The following KDM2A variants were observed in gnomAD, a reference collection of about 807,000 sequenced individuals.
KDM2A encodes lysine demethylase 2A.
In KDM2A, 3 loss-of-function variants were observed where a neutral mutation model predicts 137.3. That is an observed-to-expected ratio of 0.02 (90% CI 0.01 to 0.06). The LOEUF (loss-of-function observed/expected upper bound fraction) is 0.06. Among genes scored for constraint, KDM2A ranks in the 10% least tolerant of loss-of-function variants. The probability of loss-of-function intolerance (pLI) is 1.00; values close to 1 mark genes in which losing one functional copy is unlikely to be tolerated. For synonymous variants in KDM2A, 512 were observed against 541.5 expected (o/e 0.95, Z 0.76); for missense variants, 738 against 1,510.6 (o/e 0.49, Z 8.48).
Position 67,254,192 on chromosome 11 carries a change from T to C in KDM2A, c.3092-11T>C. The C allele has an allele frequency of 6.2e-7, 1 of 1,611,958 alleles. No individual in the cohort carries two copies. Among genetic ancestry groups the C allele is most frequent in the Non-Finnish European group, 8.5e-7 (1 of 1,178,488 alleles). On this transcript the variant is annotated splice_polypyrimidine_tract_variant and intron_variant, in intron 19 of 20. Transcript: ENST00000529006. The surrounding 1 kb of genome is among the most constrained non-coding windows in gnomAD (Gnocchi z 4.7). The stretch of plus-strand genomic sequence containing the variant: ...AGAGTTTTGATCTAGGCTCTTCTCT[T>C]GCCTGTACAGGTCAGGACAATCGCA...
Position 67,255,109 on chromosome 11 carries a change from G to A in KDM2A, c.*54G>A, listed in dbSNP as rs1393040042. 5.1e-5 allele frequency: 77 copies of A among 1,516,876 alleles called. No individual in the cohort carries two copies. The highest frequency in any genetic ancestry group is 1.4e-4 in the African/African-American group (10 of 72,470). 94.0% of individuals were successfully genotyped at this position (1,516,876 alleles called of 1,614,324 possible). On this transcript the variant is annotated 3_prime_UTR_variant, in exon 21 of 21. Coordinates refer to ENST00000529006, the MANE Select transcript of KDM2A (RefSeq NM_012308.3). ...ACCGATCTTCCCCTGACTCCCCACC[G>A]AGGAGAGCCTCTCCTCGACCCTGCA... is the stretch of plus-strand genomic sequence containing the variant.
At chr11:67,124,614 CTTTTTTTTTT>C (rs34517858) in intron 2 of KDM2A, among the ~76,000 whole-genome samples, 2 of 112,676 alleles carry the variant, frequency 1.8e-5, no homozygotes, top group Non-Finnish European at 3.6e-5. Context: ...GCCTGGCCCA[CTTTTTTTTTT>C]TTTTTTTTTT....
At chr11:67,202,258 C>T (rs918351755) in intron 5 of KDM2A, among the ~76,000 whole-genome samples, 1 of 152,000 alleles carries the variant, frequency 6.6e-6, no homozygotes, top group Non-Finnish European at 1.5e-5. Flanking sequence ...GGAATCTACT[C>T]CTGGTGGAGA....
chr11:67,180,414 A>G (rs2136334791), intron 3 of KDM2A, 197 bp downstream of exon 3: 1 of 458,168 alleles, frequency 2.2e-6, no homozygotes, highest in South Asian at 5.2e-5. Context: ...CTCCTATATT[A>G]GAAGTAATCT....
At chr11:67,241,123 G>A (rs1859027727) in intron 12 of KDM2A, among the ~76,000 whole-genome samples, 1 of 152,186 alleles carries the variant, frequency 6.6e-6, no homozygotes, top group African/African-American at 2.4e-5. Flanking sequence ...TTCAGCAGAG[G>A]AAATGGGCAG....
intron 5 of KDM2A, among the ~76,000 whole-genome samples, chr11:67,203,802 T>C (rs1331097101): frequency 6.6e-6 from 1 of 151,518 alleles, no homozygotes; most frequent in Non-Finnish European, 1.5e-5. Flanking sequence ...TTTTTTTTTT[T>C]TTCTTTTTTC....
chr11:67,186,978 A>G (rs1161545859), intron 5 of KDM2A, among the ~76,000 whole-genome samples: 1 of 152,220 alleles, frequency 6.6e-6, no homozygotes, highest in Non-Finnish European at 1.5e-5. Flanking sequence ...GGGGCACAGT[A>G]TATAAGGATG....
intron 2 of KDM2A, among the ~76,000 whole-genome samples, chr11:67,172,653 T>A (rs989188402): frequency 2.7e-4 from 41 of 151,062 alleles, no homozygotes; most frequent in Non-Finnish European, 1.9e-4. Context: ...TGTGTGTGGA[T>A]TCCTTATAGT....
At chr11:67,207,216 G>A (rs1403034663) in intron 5 of KDM2A, among the ~76,000 whole-genome samples, 2 of 152,090 alleles carry the variant, frequency 1.3e-5, no homozygotes, top group African/African-American at 2.4e-5. Flanking sequence ...TGTATGAAGT[G>A]GAGATTAGTA....
intron 2 of KDM2A, among the ~76,000 whole-genome samples, chr11:67,168,952 T>G (rs905693377): frequency 4.2e-4 from 1 of 2,372 alleles, no homozygotes; most frequent in Non-Finnish European, 6.4e-3. Context: ...ATCCATGTAG[T>G]TTTTTTTTTT....
Position 67,238,605 on chromosome 11 carries a change from TA to T in KDM2A, c.1480-4399del, listed in dbSNP as rs555658345. Among the ~76,000 whole-genome samples, 59 of 151,388 alleles carry T rather than the reference TA, an allele frequency of 3.9e-4. 1 individual carries two copies. In the East Asian group the frequency reaches 8.3e-3, roughly 21 times the overall value. ...CTGTCCTTCCCCTGGTAAACTACTA[TA>T]AAAATAACATATGTAGCCCCTGGCA... is the stretch of plus-strand genomic sequence containing the variant. On this transcript the variant is annotated intron_variant, in intron 12 of 20. Transcript: ENST00000529006.
At chr11:67,125,903 A>G (rs1207082750) in intron 2 of KDM2A, among the ~76,000 whole-genome samples, 1 of 140,438 alleles carries the variant, frequency 7.1e-6, no homozygotes, top group Non-Finnish European at 1.5e-5. Context: ...AGATTGCACC[A>G]TTGCACTCCA....
intron 5 of KDM2A, among the ~76,000 whole-genome samples, chr11:67,205,868 A>G (rs1857790999): frequency 6.6e-6 from 1 of 152,090 alleles, no homozygotes. Flanking sequence ...TTACCTCTGC[A>G]TGGAATTGTC....
At chr11:67,229,347 G>C (rs1565414917) in intron 11 of KDM2A, among the ~76,000 whole-genome samples, 1 of 152,158 alleles carries the variant, frequency 6.6e-6, no homozygotes, top group Non-Finnish European at 1.5e-5. Flanking sequence ...CTTTATCTCT[G>C]TGCTTTCAAG....
chr11:67,142,282 C>G (rs1856123398), intron 2 of KDM2A, among the ~76,000 whole-genome samples: 1 of 151,632 alleles, frequency 6.6e-6, no homozygotes, highest in African/African-American at 2.4e-5. Flanking sequence ...GGTGATCCAC[C>G]CGCCTTGGCC....
chr11:67,170,196 T>C (rs1327669332), intron 2 of KDM2A, among the ~76,000 whole-genome samples: 6 of 152,106 alleles, frequency 3.9e-5, no homozygotes, highest in African/African-American at 1.4e-4. Flanking sequence ...GAAATAGCAG[T>C]GTTTTCATTT....
At chr11:67,184,054 C>T (rs1565393149) in intron 5 of KDM2A, among the ~76,000 whole-genome samples, 2 of 143,762 alleles carry the variant, frequency 1.4e-5, no homozygotes, top group African/African-American at 2.6e-5. Context: ...TATGTGATCA[C>T]ACCACTGCAC....
chr11:67,211,023 C>G (rs908503401), intron 6 of KDM2A, among the ~76,000 whole-genome samples: 13 of 152,116 alleles, frequency 8.5e-5, no homozygotes, highest in African/African-American at 2.7e-4. Flanking sequence ...TGCCACTACA[C>G]TCCAGCCTGG....
Position 67,217,748 on chromosome 11 carries a change from C to G in KDM2A, c.705C>G (p.Pro235=), listed in dbSNP as rs767630504. Residue 235 remains proline (P), a synonymous_variant, in exon 9 of 21, where the codon CCC becomes CCG. Transcript: ENST00000529006. ...ACTCACAGGTCTTCTGGCTCATCCC[C>G]CCTACAGCCCACAACCTGGAGCTGT... ...HQGGKVFWLI[P]PTAHNLELYE... The G allele has an allele frequency of 6.2e-7, 1 of 1,613,540 alleles. No homozygotes were observed. Among genetic ancestry groups the G allele is most frequent in the African/African-American group, 1.3e-5 (1 of 74,898 alleles).
Sources: allele counts gnomAD v4.1 joint callset (sites outside exome capture counted in the v4.1 genomes callset), GRCh38; gene constraint gnomAD v4.1.1; non-coding constraint Gnocchi (gnomAD v3.1); transcripts MANE v1.5; gene names NCBI Gene and HGNC (gene_info 2026-07-23, HGNC 2026-07-21).